POLR3G: variants seen among roughly 807,000 people sequenced by gnomAD.
POLR3G encodes RNA polymerase III subunit G, also known as DNA-directed RNA polymerase III subunit RPC7.
In POLR3G, 28 loss-of-function variants were observed where a neutral mutation model predicts 30.1. That is an observed-to-expected ratio of 0.93 (90% CI 0.69 to 1.27). The LOEUF (loss-of-function observed/expected upper bound fraction) is 1.27. Ranked by LOEUF, POLR3G falls within the 50% of genes most tolerant of loss-of-function variation. The pLI, the probability that POLR3G is intolerant of heterozygous loss-of-function variation, is 0.00. For synonymous variants in POLR3G, 79 were observed against 82.5 expected, an observed-to-expected ratio of 0.96 and a Z score of 0.23; for missense variants, 254 against 264.6, an observed-to-expected ratio of 0.96 and a Z score of 0.28.
chr5:90,491,801 C>T (rs1240513643), intron 3 of POLR3G, among the ~76,000 whole-genome samples: 3 of 151,876 alleles, frequency 2.0e-5, no homozygotes, highest in African/African-American at 7.3e-5. Context: ...ACATTCCCCA[C>T]TATGCTGAAA....
intron 7 of POLR3G, among the ~76,000 whole-genome samples, chr5:90,510,238 C>T (rs1024100294): frequency 2.1e-4 from 32 of 151,956 alleles, no homozygotes; most frequent in Admixed American, 1.3e-4. Flanking sequence ...ATTAGCCGGG[C>T]GTGGTGGCAG....
intron 1 of POLR3G, among the ~76,000 whole-genome samples, chr5:90,483,349 G>A (rs932429729): frequency 2.6e-5 from 4 of 152,130 alleles, no homozygotes; most frequent in African/African-American, 9.7e-5. Context: ...ATCTGAAAAT[G>A]TTCTCAGTAT....
chr5:90,503,505 T>G (rs1485957811), intron 6 of POLR3G, among the ~76,000 whole-genome samples: 1 of 152,212 alleles, frequency 6.6e-6, no homozygotes, highest in Non-Finnish European at 1.5e-5. Context: ...GAAAACTTGC[T>G]AAGATGACAT....
chr5:90,483,189 A>G (rs1206206972), intron 1 of POLR3G, among the ~76,000 whole-genome samples: 1 of 149,192 alleles, frequency 6.7e-6, no homozygotes, highest in Admixed American at 6.7e-5. Flanking sequence ...GTTTTCGGGG[A>G]AACTGATTTA....
intron 1 of POLR3G, among the ~76,000 whole-genome samples, chr5:90,476,769 A>G (rs969208408): frequency 1.3e-5 from 2 of 152,148 alleles, no homozygotes; most frequent in African/African-American, 4.8e-5. Flanking sequence ...TCCTTTTTTA[A>G]TTCTCTACAT....
intron 2 of POLR3G, among the ~76,000 whole-genome samples, chr5:90,486,285 T>C (rs1751436199): frequency 6.6e-6 from 1 of 152,246 alleles, no homozygotes; most frequent in African/African-American, 2.4e-5. Context: ...TTTTACCTTT[T>C]TGATATTCAG....
At chr5:90,507,762 T>C (rs1039599632) in intron 7 of POLR3G, among the ~76,000 whole-genome samples, 2 of 152,238 alleles carry the variant, frequency 1.3e-5, no homozygotes, top group Non-Finnish European at 2.9e-5. Context: ...ATTTAAAAAT[T>C]AAATATGTCA....
intron 5 of POLR3G, among the ~76,000 whole-genome samples, chr5:90,499,581 T>G (rs1337000064): frequency 6.6e-6 from 1 of 152,046 alleles, no homozygotes; most frequent in Non-Finnish European, 1.5e-5. Context: ...TGAGTCTTCT[T>G]AGAATTTTGC....
chr5:90,497,485 T>A (rs979064551), intron 4 of POLR3G, among the ~76,000 whole-genome samples, 171 bp from the exon 5 acceptor site: 3 of 152,178 alleles, frequency 2.0e-5, no homozygotes, highest in Admixed American at 1.3e-4. Context: ...TATCATTGTC[T>A]GTAATATTTG....
chr5:90,477,344 A>G (rs1340523784), intron 1 of POLR3G, among the ~76,000 whole-genome samples: 6 of 152,240 alleles, frequency 3.9e-5, no homozygotes, highest in Admixed American at 3.9e-4. Context: ...AAGGAGAGTC[A>G]CATGTCAAGA....
rs970331070 is a variant in POLR3G at position 90,511,400 on chromosome 5, G to A, written c.586-653G>A. 5.3e-5 allele frequency among the ~76,000 whole-genome samples: 8 copies of A among 152,156 alleles called. No homozygotes were observed. The East Asian group carries it at 1.5e-3, about 29-fold the overall frequency. On this transcript the variant is annotated intron_variant, in intron 7 of 7. Transcript: ENST00000651687. ...ATTGCAACTGATTAATAACTCTTAG[G>A]TTTAATTTATATCCAAAGTGGATTT... is the stretch of plus-strand genomic sequence containing the variant.
chr5:90,480,365 C>A (rs1168911579), intron 1 of POLR3G, among the ~76,000 whole-genome samples: 1 of 152,148 alleles, frequency 6.6e-6, no homozygotes, highest in Non-Finnish European at 1.5e-5. Context: ...GTAATGGATT[C>A]ATGAAAACTA....
Position 90,497,647 on chromosome 5 carries a change from T to C in POLR3G, c.305-9T>C, listed in dbSNP as rs1752055030. On this transcript the variant is annotated splice_polypyrimidine_tract_variant and intron_variant, in intron 4 of 7. Transcript: ENST00000651687. ...AACTGCAATTTTTTATTTTTTATTT[T>C]ATGTACAGATTGGAGAAGACTTCCA... is the stretch of plus-strand genomic sequence containing the variant. 2 of 1,587,972 alleles carry C rather than the reference T, an allele frequency of 1.3e-6. No individual in the cohort carries two copies. Among genetic ancestry groups the C allele is most frequent in the Non-Finnish European group, 1.7e-6 (2 of 1,171,154 alleles).
At chr5:90,508,218 C>T (rs1459817107) in intron 7 of POLR3G, among the ~76,000 whole-genome samples, 1 of 152,154 alleles carries the variant, frequency 6.6e-6, no homozygotes, top group Non-Finnish European at 1.5e-5. Flanking sequence ...CCTTTTCTTT[C>T]ACTCTTAGCA....
At chr5:90,497,807 A>C in intron 5 of POLR3G, 101 bp downstream of exon 5, 1 of 1,356,706 alleles carries the variant, frequency 7.4e-7, no homozygotes, top group Non-Finnish European at 9.9e-7. Context: ...ACTGTTCTTA[A>C]TGCTTTTCTT....
chr5:90,503,129 T>C (rs529056655), intron 6 of POLR3G, among the ~76,000 whole-genome samples: 140 of 152,328 alleles, frequency 9.2e-4, no homozygotes, highest in African/African-American at 3.3e-3. Flanking sequence ...GCTAACACTT[T>C]ATTGAAACTT....
At chr5:90,499,794 A>G (rs953482957) in intron 5 of POLR3G, among the ~76,000 whole-genome samples, 12 of 150,210 alleles carry the variant, frequency 8.0e-5, no homozygotes, top group Admixed American at 7.3e-4. Context: ...AAGGCAGAGT[A>G]TTTTTATTTT....
At position 90,512,272 on chromosome 5, in the gene POLR3G, AT is replaced by A; in HGVS notation, c.*135del. The A allele has an allele frequency of 1.6e-6, 1 of 613,714 alleles. No homozygotes were observed. The highest frequency in any genetic ancestry group is 2.9e-6 in the Non-Finnish European group (1 of 343,822). 38.0% of individuals were successfully genotyped at this position (613,714 alleles called of 1,614,324 possible). ...TTGGACAAATAGTTGTTACCAAAATATTCAAAACCACTTTGAGTTTACATAC... is the reference window on the plus strand; with the variant it reads ...TTGGACAAATAGTTGTTACCAAAATATCAAAACCACTTTGAGTTTACATAC... On this transcript the variant is annotated 3_prime_UTR_variant, in exon 8 of 8. Transcript: ENST00000651687.
chr5:90,497,834 G>T, intron 5 of POLR3G, 128 bp downstream of exon 5: 1 of 1,136,606 alleles, frequency 8.8e-7, no homozygotes, highest in Non-Finnish European at 1.2e-6. Context: ...AGCCAGACAA[G>T]GGATCTCATG....
Sources: gnomAD v4.1 joint callset for allele counts (sites outside exome capture counted in the v4.1 genomes callset) on GRCh38, gnomAD v4.1.1 for gene constraint, MANE v1.5 for transcripts, NCBI Gene and HGNC (gene_info 2026-07-23, HGNC 2026-07-21) for gene names.